The following MYT1L variants were observed in gnomAD, a reference collection of about 807,000 sequenced individuals.
MYT1L encodes myelin transcription factor 1 like.
Under a neutral mutation model 126.7 loss-of-function variants are expected in MYT1L, and 12 were observed. That is an observed-to-expected ratio of 0.09 (90% CI 0.06 to 0.15). The LOEUF (loss-of-function observed/expected upper bound fraction) is 0.15. Among genes scored for constraint, MYT1L ranks in the 10% least tolerant of loss-of-function variants. The pLI is 1.00. For synonymous variants in MYT1L, 541 were observed against 604.2 expected (o/e 0.90, Z 1.53); for missense variants, 979 against 1,585.2 (o/e 0.62, Z 6.49).
chr2:2,230,302 C>T lies in MYT1L; in HGVS notation c.-421+54102G>A, dbSNP rs149834314. Among the ~76,000 whole-genome samples, 3 of 152,294 alleles carry T rather than the reference C, an allele frequency of 2.0e-5. No homozygotes were observed. In the East Asian group the frequency reaches 5.8e-4, roughly 29 times the overall value. Reference sequence around the variant, plus strand: ...CGGTGAACTCATCCCTCAGCTGCAGCGTCTGTTTCCTTAGCACTTCCAAGG... The same window carrying T: ...CGGTGAACTCATCCCTCAGCTGCAGTGTCTGTTTCCTTAGCACTTCCAAGG... On this transcript the variant is annotated intron_variant, in intron 2 of 24. Transcript: ENST00000647738.
intron 2 of MYT1L, among the ~76,000 whole-genome samples, chr2:2,251,823 T>C (rs2094658025): frequency 8.2e-6 from 1 of 122,604 alleles, no homozygotes; most frequent in Non-Finnish European, 1.6e-5. Flanking sequence ...AGGTTCAATA[T>C]GGGAAAAGAA....
chr2:1,831,763 G>A (rs1319332994), intron 21 of MYT1L, among the ~76,000 whole-genome samples: 1 of 152,112 alleles, frequency 6.6e-6, no homozygotes, highest in Non-Finnish European at 1.5e-5. Flanking sequence ...ATGCCACCAT[G>A]CAACTCTGTC....
At position 2,224,913 on chromosome 2, in the gene MYT1L, C is replaced by A. The variant is rs916203213; in HGVS notation, c.-420-51925G>T. On this transcript the variant is annotated intron_variant, in intron 2 of 24. Transcript: ENST00000647738. The surrounding 1 kb of genome is among the most constrained non-coding windows in gnomAD (Gnocchi z 4.0). ...TATGCTTGTGTGCTGGGCAGTCATA[C>A]GCTGGGTTTGAGCCTCATGCTTGTT... Among the ~76,000 whole-genome samples the A allele has an allele frequency of 5.3e-5, 8 of 152,078 alleles. No individual in the cohort carries two copies. Among genetic ancestry groups the A allele is most frequent in the African/African-American group, 1.9e-4 (8 of 41,488 alleles).
chr2:2,116,858 G>A (rs1464799917), intron 3 of MYT1L, among the ~76,000 whole-genome samples: 1 of 152,226 alleles, frequency 6.6e-6, no homozygotes, highest in Non-Finnish European at 1.5e-5. Flanking sequence ...CAAGGCCCGG[G>A]GGCCAGACCT....
At chr2:2,008,043 T>A (rs2063492541) in intron 4 of MYT1L, among the ~76,000 whole-genome samples, 3 of 152,144 alleles carry the variant, frequency 2.0e-5, no homozygotes, top group African/African-American at 4.8e-5. Flanking sequence ...TTTTGAGGCA[T>A]CTTCTCAGGT....
chr2:2,217,688 C>CAAAAAAAAAAAAAAA (rs1192733884), intron 2 of MYT1L, among the ~76,000 whole-genome samples: 1 of 70,880 alleles, frequency 1.4e-5, no homozygotes, highest in African/African-American at 7.9e-5. Context: ...ACAACAACAA[C>CAAAAAAAAAAAAAAA]AACAACAACA....
intron 21 of MYT1L, among the ~76,000 whole-genome samples, chr2:1,813,865 G>A (rs7425214): frequency 0.42 from 25,613 of 60,478 alleles, 6,597 homozygotes; most frequent in South Asian, 0.6. Flanking sequence ...GTCTGTACTA[G>A]AAATACAAAA....
rs1369480046 is a variant in MYT1L at position 1,956,574 on chromosome 2, T to TTCTTTCTTTCTATCTATCTA, written c.153-13241_153-13240insTAGATAGATAGAAAGAAAGA. 5.6e-3 allele frequency among the ~76,000 whole-genome samples: 573 copies of TTCTTTCTTTCTATCTATCTA among 101,586 alleles called. 6 individuals carry two copies. The highest frequency in any genetic ancestry group is 0.016 in the East Asian group (52 of 3,322). 66.6% of individuals were successfully genotyped at this position (101,586 alleles called of 152,430 possible). ...CATCTATCCTATTCTATATTTCCTA[T>TTCTTTCTTTCTATCTATCTA]TCTATCTATCTATCTATCTATCTAT... On this transcript the variant is annotated intron_variant, in intron 8 of 24. Coordinates refer to ENST00000647738, the MANE Select transcript of MYT1L (RefSeq NM_001303052.2).
chr2:1,940,499 C>T (rs193159351), intron 9 of MYT1L, among the ~76,000 whole-genome samples: 2 of 148,698 alleles, frequency 1.3e-5, no homozygotes, highest in Admixed American at 1.3e-4. Flanking sequence ...ACTGGGTGCA[C>T]CTGTCTCACA....
chr2:1,961,938 A>T (rs1448971880), intron 8 of MYT1L, among the ~76,000 whole-genome samples: 1 of 152,236 alleles, frequency 6.6e-6, no homozygotes, highest in Non-Finnish European at 1.5e-5. Context: ...TGTATTTCAA[A>T]ATAGCTAGAA....
intron 2 of MYT1L, among the ~76,000 whole-genome samples, chr2:2,181,232 CTGTGTA>C (rs2091478074): frequency 1.3e-5 from 2 of 151,316 alleles, no homozygotes; most frequent in African/African-American, 4.9e-5. Flanking sequence ...GTGTGTGTAC[CTGTGTA>C]TATCTGTGTG....
chr2:2,202,337 G>A (rs2093117216), intron 2 of MYT1L, among the ~76,000 whole-genome samples: 1 of 152,080 alleles, frequency 6.6e-6, no homozygotes, highest in South Asian at 2.1e-4. Context: ...CCAGGAGCTG[G>A]TTTTTTGAAA....
At position 1,797,901 on chromosome 2, in the gene MYT1L, TTCTCCGGCACAGGCGCGGCGGTCTCCCC is replaced by T. The variant is rs1558583626; in HGVS notation, c.3276+3767_3276+3794del. Among the ~76,000 whole-genome samples, 192 of 39,096 alleles carry T rather than the reference TTCTCCGGCACAGGCGCGGCGGTCTCCCC, an allele frequency of 4.9e-3. 20 individuals are homozygous for T. Among genetic ancestry groups the T allele is most frequent in the Admixed American group, 8.3e-3 (33 of 3,998 alleles). The allele number at this position is 39,096 out of a possible 152,430, so 25.6% of individuals were successfully genotyped here. A position where few individuals can be genotyped will look rare whatever the true frequency, so the allele number is the denominator to read the frequency against. On this transcript the variant is annotated intron_variant, in intron 23 of 24. Coordinates refer to ENST00000647738, the MANE Select transcript of MYT1L (RefSeq NM_001303052.2). ...CGGCACAGGCGCGGCGGTCTCCCCC[TTCTCCGGCACAGGCGCGGCGGTCTCCCC>T]CTTCTCCGGCACAGGCGCGGCGGTC...
chr2:1,865,099 C>T (rs1218739923), intron 18 of MYT1L, among the ~76,000 whole-genome samples: 4 of 152,164 alleles, frequency 2.6e-5, no homozygotes, highest in Non-Finnish European at 5.9e-5. Flanking sequence ...TGGGTGTCAG[C>T]GTGCTAACCC....
chr2:2,010,721 T>C (rs889677883), intron 4 of MYT1L, among the ~76,000 whole-genome samples: 1 of 152,054 alleles, frequency 6.6e-6, no homozygotes, highest in Non-Finnish European at 1.5e-5. Flanking sequence ...ACAGCTAACA[T>C]CATACAGAAC....
At chr2:2,107,832 A>G (rs2078934711) in intron 3 of MYT1L, among the ~76,000 whole-genome samples, 1 of 152,176 alleles carries the variant, frequency 6.6e-6, no homozygotes, top group South Asian at 2.1e-4. Flanking sequence ...GCGTGCACCC[A>G]GAAGAGCAGA....
intron 2 of MYT1L, among the ~76,000 whole-genome samples, chr2:2,180,034 G>A (rs899405982): frequency 1.3e-5 from 2 of 152,160 alleles, no homozygotes; most frequent in Non-Finnish European, 2.9e-5. Flanking sequence ...CACACAGCCA[G>A]CCAGTGATTC....
intron 5 of MYT1L, among the ~76,000 whole-genome samples, chr2:1,990,758 C>G (rs2061393444): frequency 6.6e-6 from 1 of 152,168 alleles, no homozygotes; most frequent in East Asian, 1.9e-4. Context: ...AGGACCAGCC[C>G]TGCCTTCTAA....
Position 1,943,373 on chromosome 2 carries a change from A to C in MYT1L, c.153-39T>G, listed in dbSNP as rs767675010. On this transcript the variant is annotated intron_variant, in intron 8 of 24. Coordinates refer to ENST00000647738, the MANE Select transcript of MYT1L (RefSeq NM_001303052.2). The surrounding 1 kb of genome is among the most constrained non-coding windows in gnomAD (Gnocchi z 4.4). ...TAGAGAAGGCAGGGGAGAGAGAGAAAAAAAATATCTGTGTTACTGTCTTTT... is the reference window on the plus strand; with the variant it reads ...TAGAGAAGGCAGGGGAGAGAGAGAACAAAAATATCTGTGTTACTGTCTTTT... 12 of 1,490,802 alleles carry C rather than the reference A, an allele frequency of 8.0e-6. No individual in the cohort carries two copies. Among genetic ancestry groups the C allele is most frequent in the Non-Finnish European group, 1.1e-5 (12 of 1,122,456 alleles). 92.3% of individuals were successfully genotyped at this position (1,490,802 alleles called of 1,614,324 possible).
Sources: allele counts gnomAD v4.1 joint callset (sites outside exome capture counted in the v4.1 genomes callset), GRCh38; gene constraint gnomAD v4.1.1; non-coding constraint Gnocchi (gnomAD v3.1); transcripts MANE v1.5; gene names NCBI Gene and HGNC (gene_info 2026-07-23, HGNC 2026-07-21).